Variants in NRG1 observed in about 807,000 individuals in gnomAD.
The protein encoded by NRG1 is pro-neuregulin-1, membrane-bound isoform.
Under a neutral mutation model 63.8 loss-of-function variants are expected in NRG1, and 18 were observed. The ratio of observed to expected loss-of-function variants is 0.28; its 90% confidence interval spans 0.19 to 0.42. The LOEUF (loss-of-function observed/expected upper bound fraction) is 0.42, where lower values mean the gene tolerates loss of function less well. NRG1 is among the 10% of genes least tolerant of loss of function. NRG1 has a pLI of 1.00. For synonymous variants in NRG1, 302 were observed against 301.3 expected, an observed-to-expected ratio of 1.00 and a Z score of -0.02; for missense variants, 762 against 814.7, an observed-to-expected ratio of 0.94 and a Z score of 0.79.
intron 1 of NRG1, among the ~76,000 whole-genome samples, chr8:31,941,948 A>G (rs574853690): frequency 3.2e-4 from 49 of 152,302 alleles, no homozygotes; most frequent in African/African-American, 1.1e-3. Flanking sequence ...TAATATTGTG[A>G]AAATGACCAT....
At chr8:32,203,538 T>G (rs1252542513) in intron 1 of NRG1, among the ~76,000 whole-genome samples, 1 of 151,982 alleles carries the variant, frequency 6.6e-6, no homozygotes, top group Non-Finnish European at 1.5e-5. Context: ...CTTTTTTTAT[T>G]TTTAGTAGAG....
chr8:31,712,255 CTTTTTTTTTTTTT>C (rs57363109), intron 1 of NRG1, among the ~76,000 whole-genome samples: 13 of 72,346 alleles, frequency 1.8e-4, no homozygotes, highest in African/African-American at 3.5e-4. Context: ...TCTTCATGAT[CTTTTTTTTTTTTT>C]TTTTTTTTTT....
At chr8:31,953,371 T>C (rs545634973) in intron 1 of NRG1, among the ~76,000 whole-genome samples, 22 of 152,322 alleles carry the variant, frequency 1.4e-4, no homozygotes, top group African/African-American at 5.3e-4. Context: ...ATTTTAACTT[T>C]GTGGAATGTT....
intron 1 of NRG1, among the ~76,000 whole-genome samples, chr8:32,222,051 ACACACACACACACATG>A (rs1266577737): frequency 6.6e-6 from 1 of 152,044 alleles, no homozygotes; most frequent in African/African-American, 2.4e-5. Flanking sequence ...ACACACACAC[ACACACACACACACATG>A]CACACACACT....
intron 1 of NRG1, among the ~76,000 whole-genome samples, chr8:31,787,824 G>A (rs1359370641): frequency 3.3e-5 from 5 of 152,044 alleles, no homozygotes; most frequent in African/African-American, 1.2e-4. Flanking sequence ...TTACAGCAAG[G>A]TTATTGGTTA....
At chr8:32,143,563 T>C (rs1836533267) in intron 1 of NRG1, among the ~76,000 whole-genome samples, 1 of 152,138 alleles carries the variant, frequency 6.6e-6, no homozygotes, top group Non-Finnish European at 1.5e-5. Flanking sequence ...TACAGTGACA[T>C]AAACTATGTT....
In NRG1 at chr8:31,868,106, A is replaced by G. The variant is rs1829122242; in HGVS notation, c.37+228675A>G. 2.0e-5 allele frequency among the ~76,000 whole-genome samples: 3 copies of G among 150,856 alleles called. No homozygotes were observed. The Admixed American group carries it at 2.0e-4, about 10-fold the overall frequency. On this transcript the variant is annotated intron_variant, in intron 1 of 10. Coordinates refer to the NRG1 transcript ENST00000519301. The stretch of plus-strand genomic sequence containing the variant: ...CAGCTTTTTATGATCCTGAGCAGTT[A>G]TACTCTACCATCCCAAACACACACA...
chr8:32,414,300 G>A (rs1352187791), intron 1 of NRG1, among the ~76,000 whole-genome samples: 1 of 152,132 alleles, frequency 6.6e-6, no homozygotes, highest in East Asian at 1.9e-4. Context: ...AGATGAGTCT[G>A]TTCAGCTCGA....
At chr8:31,847,569 C>A (rs1173266461) in intron 1 of NRG1, among the ~76,000 whole-genome samples, 1 of 152,182 alleles carries the variant, frequency 6.6e-6, no homozygotes, top group Non-Finnish European at 1.5e-5. Flanking sequence ...TTTCTGAGAT[C>A]ATTTCTTGCC....
At chr8:32,072,493 A>T (rs1009255803) in intron 1 of NRG1, among the ~76,000 whole-genome samples, 4 of 152,130 alleles carry the variant, frequency 2.6e-5, no homozygotes, top group Non-Finnish European at 4.4e-5. Context: ...AAATGTTTCC[A>T]GTTTTCTGTC....
At chr8:32,514,874 G>A (rs1829636254) in intron 1 of NRG1, among the ~76,000 whole-genome samples, 2 of 126,810 alleles carry the variant, frequency 1.6e-5, no homozygotes, top group South Asian at 4.8e-4. Context: ...GTGTAGGTTT[G>A]TTACACAAAT....
intron 1 of NRG1, among the ~76,000 whole-genome samples, chr8:32,222,075 A>T (rs1845882483): frequency 6.6e-6 from 1 of 151,774 alleles, no homozygotes. Context: ...ATGCACACAC[A>T]CTTTTTCCAG....
chr8:32,131,023 T>C (rs1038089232), intron 1 of NRG1, among the ~76,000 whole-genome samples: 3 of 151,710 alleles, frequency 2.0e-5, no homozygotes, highest in Non-Finnish European at 4.4e-5. Context: ...AAAGGCAGAG[T>C]TGCTAAAACT....
intron 1 of NRG1, among the ~76,000 whole-genome samples, chr8:31,748,170 A>T (rs1816084791): frequency 1.3e-5 from 2 of 151,968 alleles, no homozygotes; most frequent in African/African-American, 4.8e-5. Context: ...TTCATACTAA[A>T]AAGGTTGGTT....
rs191022980 is a variant in NRG1, at chr8:31,928,500, T to A, written c.37+289069T>A. The stretch of plus-strand genomic sequence containing the variant: ...TATCCGACAATCCCACTACTTGGTA[T>A]CTACCCAAAGGGAAGGAAGTTGCTT... On this transcript the variant is annotated intron_variant, in intron 1 of 10. Coordinates refer to the NRG1 transcript ENST00000519301. 4.5e-3 allele frequency among the ~76,000 whole-genome samples: 680 copies of A among 152,144 alleles called. 3 individuals carry two copies. Among genetic ancestry groups the A allele is most frequent in the Non-Finnish European group, 6.5e-3 (442 of 67,982 alleles).
intron 1 of NRG1, among the ~76,000 whole-genome samples, chr8:31,880,335 T>TAAG (rs1402803119): frequency 1.3e-5 from 2 of 152,176 alleles, no homozygotes; most frequent in Admixed American, 6.5e-5. Context: ...GGGCCTTCTC[T>TAAG]AAGAAGGGTG....
intron 1 of NRG1, among the ~76,000 whole-genome samples, chr8:31,715,518 T>C (rs1812266663): frequency 6.6e-6 from 1 of 152,308 alleles, no homozygotes; most frequent in African/African-American, 2.4e-5. Flanking sequence ...TATAATTGAA[T>C]CAAAGAAATA....
chr8:32,713,741 T>C (rs1166834886), intron 5 of NRG1, among the ~76,000 whole-genome samples: 1 of 145,120 alleles, frequency 6.9e-6, no homozygotes, highest in Non-Finnish European at 1.5e-5. Flanking sequence ...ATATAATATA[T>C]TTGTTATAAA....
chr8:32,272,124 A>G (rs1020955992), intron 1 of NRG1, among the ~76,000 whole-genome samples: 2 of 152,180 alleles, frequency 1.3e-5, no homozygotes, highest in Non-Finnish European at 1.5e-5. Flanking sequence ...TCAAAATACC[A>G]TAGACTGAGG....
Sources: allele counts gnomAD v4.1 joint callset (sites outside exome capture counted in the v4.1 genomes callset), GRCh38; gene constraint gnomAD v4.1.1; transcripts MANE v1.5; gene names NCBI Gene and HGNC (gene_info 2026-07-23, HGNC 2026-07-21).